The following PRDM16 variants were observed in gnomAD, a reference collection of about 807,000 sequenced individuals.
PRDM16 encodes the protein PR/SET domain 16.
A neutral mutation model predicts 110.6 loss-of-function variants in PRDM16; 23 were observed. That is an observed-to-expected ratio of 0.21 (90% CI 0.15 to 0.29). PRDM16 has a LOEUF of 0.29. PRDM16 is among the 10% of genes least tolerant of loss of function. PRDM16 has a pLI of 1.00. For synonymous variants in PRDM16, 799 were observed against 781.8 expected, an observed-to-expected ratio of 1.02 and a Z score of -0.37; for missense variants, 1,615 against 1,794.3, an observed-to-expected ratio of 0.90 and a Z score of 1.81.
At chr1:3,074,418 TGTGTGTGTGTGCGC>T (rs902671451) in intron 1 of PRDM16, among the ~76,000 whole-genome samples, 2 of 152,092 alleles carry the variant, frequency 1.3e-5, no homozygotes, top group African/African-American at 4.8e-5. Context: ...TTTCTGTGTG[TGTGTGTGTGTGCGC>T]GTGTGTGTGT....
chr1:3,185,848 G>A (rs1644260844), intron 1 of PRDM16, among the ~76,000 whole-genome samples: 1 of 152,206 alleles, frequency 6.6e-6, no homozygotes, highest in South Asian at 2.1e-4. Context: ...CAGGGTGGGT[G>A]AGCCAGGGTG....
Position 3,431,001 on chromosome 1 carries a change from G to C in PRDM16, c.3414G>C (p.Ser1138=), listed in dbSNP as rs762994553. 6.9e-6 allele frequency: 11 copies of C among 1,595,560 alleles called. No homozygotes were observed. The highest frequency in any genetic ancestry group is 9.4e-6 in the Non-Finnish European group (11 of 1,170,934). The change falls in exon 15 of 17, where the codon TCG becomes TCC. Residue 1138 remains serine (S), a synonymous_variant. Coordinates refer to ENST00000270722, the MANE Select transcript of PRDM16 (RefSeq NM_022114.4). Reference sequence around the variant, plus strand: ...ATGAGGACAGCCTGGCCGGGAAGTCGCAGGATGACACCGTGTCCCCCGCAC... The same window carrying C: ...ATGAGGACAGCCTGGCCGGGAAGTCCCAGGATGACACCGTGTCCCCCGCAC... ...EDDEDSLAGK[S]QDDTVSPAPE...
At chr1:3,183,546 T>C (rs1469504771) in intron 1 of PRDM16, among the ~76,000 whole-genome samples, 2 of 152,244 alleles carry the variant, frequency 1.3e-5, no homozygotes, top group Non-Finnish European at 2.9e-5. Context: ...GGGTTTTTCC[T>C]GGAGGCTGTG....
In PRDM16 at chr1:3,201,744, G is replaced by A. The variant is rs886270749; in HGVS notation, c.387+15270G>A. 1.3e-5 allele frequency among the ~76,000 whole-genome samples: 2 copies of A among 152,246 alleles called. No individual in the cohort carries two copies. The highest frequency in any genetic ancestry group is 4.8e-5 in the African/African-American group (2 of 41,472). On this transcript the variant is annotated intron_variant, in intron 2 of 16. Coordinates refer to ENST00000270722, the MANE Select transcript of PRDM16 (RefSeq NM_022114.4). The surrounding 1 kb of genome is among the most constrained non-coding windows in gnomAD (Gnocchi z 4.1). ...TGACACATTCTTCAGCTGGAGCCGA[G>A]TAGGGTCGTGTCTGCCCCGCTTCCA...
chr1:3,144,297 C>A (rs576431247), intron 1 of PRDM16, among the ~76,000 whole-genome samples: 1 of 152,194 alleles, frequency 6.6e-6, no homozygotes, highest in African/African-American at 2.4e-5. Flanking sequence ...AGAGAGGCGC[C>A]GGCCATCCCT....
intron 2 of PRDM16, among the ~76,000 whole-genome samples, chr1:3,232,432 T>A (rs922607522): frequency 3.9e-5 from 6 of 152,254 alleles, no homozygotes; most frequent in Non-Finnish European, 5.9e-5. Context: ...GTGACACCTT[T>A]GGCAGAGCTA....
At chr1:3,389,435 AG>A (rs1290141290) in intron 4 of PRDM16, among the ~76,000 whole-genome samples, 1 of 152,140 alleles carries the variant, frequency 6.6e-6, no homozygotes, top group Non-Finnish European at 1.5e-5. Flanking sequence ...CGTGGGGCTG[AG>A]GGGGCTGCTT....
intron 3 of PRDM16, among the ~76,000 whole-genome samples, chr1:3,287,203 G>A (rs535510496): frequency 2.2e-4 from 33 of 152,190 alleles, no homozygotes; most frequent in Admixed American, 5.2e-4. Context: ...TGCCCTGAGC[G>A]CCGTAGGAGA....
intron 3 of PRDM16, among the ~76,000 whole-genome samples, chr1:3,280,904 A>G (rs1248278810): frequency 6.6e-6 from 1 of 152,188 alleles, no homozygotes; most frequent in Non-Finnish European, 1.5e-5. Context: ...CGGAGCCCCC[A>G]GGGCTTTTGT....
In PRDM16 at chr1:3,300,092, T is replaced by C. The variant is rs376602819; in HGVS notation, c.438+55955T>C. 2.4e-3 allele frequency among the ~76,000 whole-genome samples: 176 copies of C among 72,048 alleles called. 32 individuals carry two copies. Among genetic ancestry groups the C allele is most frequent in the Non-Finnish European group, 4.0e-3 (128 of 32,034 alleles). 47.3% of individuals were successfully genotyped at this position (72,048 alleles called of 152,430 possible). Reference sequence around the variant, plus strand: ...CTTGTTGAAGATGCTATGCTGTGGCTGTGATGTTTCAGATCCCAGTCGTGG... The same window carrying C: ...CTTGTTGAAGATGCTATGCTGTGGCCGTGATGTTTCAGATCCCAGTCGTGG... On this transcript the variant is annotated intron_variant, in intron 3 of 16. Transcript: ENST00000270722.
chr1:3,223,507 G>A lies in PRDM16; in HGVS notation c.388-20580G>A, dbSNP rs2817151. Among the ~76,000 whole-genome samples the A allele has an allele frequency of 4.3e-4, 66 of 152,146 alleles. 1 individual carries two copies. The highest frequency in any genetic ancestry group is 1.4e-3 in the African/African-American group (56 of 41,428). Reference sequence around the variant, plus strand: ...GCATGCAGGCATTTTTCTCTTAATCGTGGCAAGAGGGAGAAAGACTGGCCA... The same window carrying A: ...GCATGCAGGCATTTTTCTCTTAATCATGGCAAGAGGGAGAAAGACTGGCCA... On this transcript the variant is annotated intron_variant, in intron 2 of 16. Coordinates refer to ENST00000270722, the MANE Select transcript of PRDM16 (RefSeq NM_022114.4).
intron 3 of PRDM16, among the ~76,000 whole-genome samples, chr1:3,322,904 G>A (rs1557607771): frequency 6.6e-6 from 1 of 152,164 alleles, no homozygotes. Flanking sequence ...TCTGGATGTG[G>A]TTCAGTGGAC....
chr1:3,309,704 C>T (rs763479711), intron 3 of PRDM16: 2 of 152,300 alleles, frequency 1.3e-5, no homozygotes, highest in Non-Finnish European at 2.9e-5. Flanking sequence ...GACCAGCTCA[C>T]CTTGGGAAAG....
intron 1 of PRDM16, among the ~76,000 whole-genome samples, chr1:3,140,371 C>T (rs1387782633): frequency 6.6e-6 from 1 of 152,236 alleles, no homozygotes. Flanking sequence ...ACATAGGGCC[C>T]CCAACTCAGG....
rs1401244122 is a variant in PRDM16 at position 3,181,486 on chromosome 1, A to ACG, written c.38-4638_38-4637insGC. 5.3e-5 allele frequency among the ~76,000 whole-genome samples: 3 copies of ACG among 56,470 alleles called. 1 individual carries two copies. Among genetic ancestry groups the ACG allele is most frequent in the Non-Finnish European group, 8.6e-5 (2 of 23,384 alleles). 37.0% of individuals were successfully genotyped at this position (56,470 alleles called of 152,430 possible). On this transcript the variant is annotated intron_variant, in intron 1 of 16. Coordinates refer to ENST00000270722, the MANE Select transcript of PRDM16 (RefSeq NM_022114.4). ...CGGTCTTACACACGCAGTCTTACAC[A>ACG]CAGCCTTACGCATGGTCTTACACAC... is the stretch of plus-strand genomic sequence containing the variant.
intron 5 of PRDM16, 131 bp downstream of exon 5, chr1:3,396,724 C>G (rs1643392193): frequency 1.7e-6 from 1 of 594,948 alleles, no homozygotes; most frequent in African/African-American, 1.9e-5. Context: ...AGGCGGCCCC[C>G]AAGTGCTAGG....
At chr1:3,393,970 G>C (rs1442498218) in intron 4 of PRDM16, among the ~76,000 whole-genome samples, 1 of 152,134 alleles carries the variant, frequency 6.6e-6, no homozygotes, top group Non-Finnish European at 1.5e-5. Flanking sequence ...CAGGGAGGGG[G>C]AGCCCGCGGC....
chr1:3,200,532 C>T lies in PRDM16; in HGVS notation c.387+14058C>T, dbSNP rs139062421. 6.0e-3 allele frequency among the ~76,000 whole-genome samples: 909 copies of T among 152,162 alleles called. 15 individuals carry two copies. Among genetic ancestry groups the T allele is most frequent in the East Asian group, 0.052 (268 of 5,156 alleles). On this transcript the variant is annotated intron_variant, in intron 2 of 16. Coordinates refer to ENST00000270722, the MANE Select transcript of PRDM16 (RefSeq NM_022114.4). The stretch of plus-strand genomic sequence containing the variant: ...TAATTTTTTGTATTTTTAGTAGAGA[C>T]GGGGTTTCACCGTGTTAGCCAGGAT...
At chr1:3,167,327 G>A (rs1222721272) in intron 1 of PRDM16, among the ~76,000 whole-genome samples, 5 of 152,162 alleles carry the variant, frequency 3.3e-5, no homozygotes, top group African/African-American at 9.7e-5. Flanking sequence ...TCCGTCATCC[G>A]CAGAACTCAA....
Sources: allele counts gnomAD v4.1 joint callset (sites outside exome capture counted in the v4.1 genomes callset), GRCh38; gene constraint gnomAD v4.1.1; non-coding constraint Gnocchi (gnomAD v3.1); transcripts MANE v1.5; gene names NCBI Gene and HGNC (gene_info 2026-07-23, HGNC 2026-07-21).